PLEKHM2: variants seen among roughly 807,000 people sequenced by gnomAD.
PLEKHM2 encodes pleckstrin homology domain-containing family M member 2.
In PLEKHM2, 77 loss-of-function variants were observed where a neutral mutation model predicts 116.3. The observed-to-expected ratio is 0.66, with a 90% CI of 0.55 to 0.80. The LOEUF (loss-of-function observed/expected upper bound fraction) is 0.80. Ranked by LOEUF, PLEKHM2 falls within the 30% of genes least tolerant of loss-of-function variation. The pLI is 0.00. For synonymous variants in PLEKHM2, 562 were observed against 571.0 expected (o/e 0.98, Z 0.22); for missense variants, 1,183 against 1,354.9 (o/e 0.87, Z 1.99).
chr1:15,717,055 C>T (rs534771884), intron 3 of PLEKHM2, among the ~76,000 whole-genome samples: 1 of 152,314 alleles, frequency 6.6e-6, no homozygotes, highest in East Asian at 1.9e-4. Context: ...GAGTTTAGAC[C>T]AGCCTGGGCA....
rs184978563 is a variant in PLEKHM2 at position 15,699,257 on chromosome 1, T to A, written c.60+14639T>A. ...TACATAGGTGTGCAGGTTTGTTACA[T>A]AGGTGTACATGTGCCATGTTGGTTT... On this transcript the variant is annotated intron_variant, in intron 1 of 19. Transcript: ENST00000375799. Among the ~76,000 whole-genome samples, 10 of 152,248 alleles carry A rather than the reference T, an allele frequency of 6.6e-5. No individual in the cohort carries two copies. In the East Asian group the frequency reaches 1.2e-3, roughly 18 times the overall value.
chr1:15,682,445 C>A (rs189475086), upstream of PLEKHM2, among the ~76,000 whole-genome samples: 1 of 135,092 alleles, frequency 7.4e-6, no homozygotes, highest in South Asian at 2.4e-4. Flanking sequence ...AGCGAGACTC[C>A]GCCTCAAAAA....
In PLEKHM2 at chr1:15,721,261, C is replaced by T. The variant is rs1357859067; in HGVS notation, c.653-68C>T. 4 of 823,874 alleles carry T rather than the reference C, an allele frequency of 4.9e-6. No homozygotes were observed. The highest frequency in any genetic ancestry group is 3.4e-5 in the African/African-American group (2 of 58,402). 51.0% of individuals were successfully genotyped at this position (823,874 alleles called of 1,614,324 possible). ...CCATGTCTCCCACCCCATTTCCCCT[C>T]CCCTCCCTCCAGTCATCCTTCCACT... On this transcript the variant is annotated intron_variant, in intron 6 of 19. Coordinates refer to ENST00000375799, the MANE Select transcript of PLEKHM2 (RefSeq NM_015164.4). The surrounding 1 kb of genome is among the most constrained non-coding windows in gnomAD (Gnocchi z 5.1).
At position 15,725,637 on chromosome 1, in the gene PLEKHM2, C is replaced by T. The variant is rs970776032; in HGVS notation, c.941+92C>T. 7 of 933,642 alleles carry T rather than the reference C, an allele frequency of 7.5e-6. No homozygotes were observed. In the African/African-American group the frequency reaches 8.2e-5, roughly 11 times the overall value. 57.8% of individuals were successfully genotyped at this position (933,642 alleles called of 1,614,324 possible). A position where few individuals can be genotyped will look rare whatever the true frequency, so the allele number is the denominator to read the frequency against. ...GCTGTTCATCCAGGGCAGACCGGGA[C>T]ACCCCCTGAGGGCAGTTGCATGCCT... On this transcript the variant is annotated intron_variant, in intron 8 of 19. Transcript: ENST00000375799.
chr1:15,719,490 G>A lies in PLEKHM2; in HGVS notation c.466-244G>A, dbSNP rs952938276. 1.4e-4 allele frequency among the ~76,000 whole-genome samples: 22 copies of A among 151,982 alleles called. No homozygotes were observed. Among genetic ancestry groups the A allele is most frequent in the African/African-American group, 4.3e-4 (18 of 41,386 alleles). On this transcript the variant is annotated intron_variant, in intron 5 of 19. Transcript: ENST00000375799. This position sits in a 1 kb window ranked among gnomAD's most constrained non-coding sequence, Gnocchi z 4.1. ...ATAAATAGAGAGAGAGAGAGATAGCGGGGGCATCAAAGGGTGTAGCTGAGT... is the reference window on the plus strand; with the variant it reads ...ATAAATAGAGAGAGAGAGAGATAGCAGGGGCATCAAAGGGTGTAGCTGAGT...
Position 15,718,755 on chromosome 1 carries a change from A to G in PLEKHM2, c.465+130A>G, listed in dbSNP as rs10927840. 168,381 of 630,306 alleles carry G rather than the reference A, an allele frequency of 0.27. 28,686 individuals carry two copies. The highest frequency in any genetic ancestry group is 0.64 in the African/African-American group (34,566 of 53,822). The allele number at this position is 630,306 out of a possible 1,614,324, so 39.0% of individuals were successfully genotyped here. A position where few individuals can be genotyped will look rare whatever the true frequency, so the allele number is the denominator to read the frequency against. ...TTGAGTATGACTGGGCTTGAGCAAAACTTGTTTTTTTGGGCGAGGGAAAGG... is the reference window on the plus strand; with the variant it reads ...TTGAGTATGACTGGGCTTGAGCAAAGCTTGTTTTTTTGGGCGAGGGAAAGG... On this transcript the variant is annotated intron_variant, in intron 5 of 19. Transcript: ENST00000375799.
In PLEKHM2 at chr1:15,732,596, G is replaced by A. The variant is rs1401764036; in HGVS notation, c.2806-16G>A. On this transcript the variant is annotated splice_polypyrimidine_tract_variant and intron_variant, in intron 18 of 19. Coordinates refer to ENST00000375799, the MANE Select transcript of PLEKHM2 (RefSeq NM_015164.4). ...GAAAGCTCTGGCTGCTCACCCGGGG[G>A]CCTGGCTCTCCCTAGGAGTTCTCCC... 3.1e-6 allele frequency: 5 copies of A among 1,597,390 alleles called. No individual in the cohort carries two copies. The highest frequency in any genetic ancestry group is 2.7e-5 in the African/African-American group (2 of 74,598).
chr1:15,683,537 C>A (rs918234830), upstream of PLEKHM2, among the ~76,000 whole-genome samples: 3 of 135,100 alleles, frequency 2.2e-5, no homozygotes, highest in Non-Finnish European at 4.7e-5. Flanking sequence ...CCTGTGGGGT[C>A]GGAGTCTCCA....
At chr1:15,690,372 T>C (rs894867590) in intron 1 of PLEKHM2, among the ~76,000 whole-genome samples, 7 of 152,218 alleles carry the variant, frequency 4.6e-5, no homozygotes, top group African/African-American at 1.7e-4. Flanking sequence ...GAGAGTCTTA[T>C]ACTACACTGC....
chr1:15,690,571 G>A (rs1640869686), intron 1 of PLEKHM2, among the ~76,000 whole-genome samples: 1 of 152,178 alleles, frequency 6.6e-6, no homozygotes, highest in African/African-American at 2.4e-5. Context: ...GCAGTAGTTC[G>A]CATACGACGC....
Position 15,728,292 on chromosome 1 carries a change from T to C in PLEKHM2, c.1856T>C (p.Met619Thr), listed in dbSNP as rs2148374023. ...ATGATCCGGATGAGCACCGGGCACA[T>C]GGAGGGCAACCTGCAGCTGCTGTAC... ...FKMIRMSTGH[M>T]EGNLQLLYVL... is the part of the protein sequence containing the mutation. Residue 619 changes from methionine (M) to threonine (T), a missense_variant, in exon 11 of 20, where the codon ATG (methionine) becomes ACG (threonine). Transcript: ENST00000375799. The surrounding 1 kb of genome is among the most constrained non-coding windows in gnomAD (Gnocchi z 5.9). The C allele has an allele frequency of 6.2e-7, 1 of 1,613,352 alleles. No homozygotes were observed. The highest frequency in any genetic ancestry group is 8.5e-7 in the Non-Finnish European group (1 of 1,179,864).
intron 7 of PLEKHM2, among the ~76,000 whole-genome samples, chr1:15,724,056 TCC>T (rs1435792766): frequency 6.6e-6 from 1 of 152,088 alleles, no homozygotes; most frequent in African/African-American, 2.4e-5. Context: ...CTGCCCGTGC[TCC>T]CTCTCCTGCC....
At chr1:15,713,605 A>C (rs572992713) in intron 1 of PLEKHM2, among the ~76,000 whole-genome samples, 1 of 152,098 alleles carries the variant, frequency 6.6e-6, no homozygotes, top group East Asian at 1.9e-4. Context: ...AAGAGAATGA[A>C]TAATATTCTG....
chr1:15,726,554 G>A (rs1239855604), intron 8 of PLEKHM2, among the ~76,000 whole-genome samples: 2 of 152,196 alleles, frequency 1.3e-5, no homozygotes, highest in Non-Finnish European at 2.9e-5. Flanking sequence ...GGGACCCGGA[G>A]CGTGAGCCCA....
At position 15,729,427 on chromosome 1, in the gene PLEKHM2, A is replaced by G. The variant is rs1284635804; in HGVS notation, c.2075+237A>G. ...CCTGGCGACTCTTGGGGGTGCTAGC[A>G]TGAGTTGTTGGACAGGAAGGCAGGC... On this transcript the variant is annotated intron_variant, in intron 13 of 19. Transcript: ENST00000375799. This position sits in a 1 kb window ranked among gnomAD's most constrained non-coding sequence, Gnocchi z 4.7. 6.6e-6 allele frequency among the ~76,000 whole-genome samples: 1 copy of G among 152,136 alleles called. No homozygotes were observed. Among genetic ancestry groups the G allele is most frequent in the Non-Finnish European group, 1.5e-5 (1 of 68,018 alleles).
intron 1 of PLEKHM2, 78 bp downstream of exon 1, chr1:15,684,696 C>CA: frequency 4.2e-6 from 2 of 474,038 alleles, no homozygotes; most frequent in African/African-American, 1.1e-4. Context: ...TCTCCCGGGC[C>CA]GGGGCCCCCC....
At position 15,725,463 on chromosome 1, in the gene PLEKHM2, C is replaced by G. The variant is rs1222247088; in HGVS notation, c.859C>G (p.Pro287Ala). Residue 287 changes from proline to alanine, a missense_variant, in exon 8 of 20, where the codon CCC (proline) becomes GCC (alanine). Transcript: ENST00000375799. Reference sequence around the variant, plus strand: ...GACTGTGTCCTCCTCTGACACCACCCCCGTGCACACCACCTCTCAGGAGAA... The same window carrying G: ...GACTGTGTCCTCCTCTGACACCACCGCCGTGCACACCACCTCTCAGGAGAA... Reference protein sequence around the residue: ...AETVSSSDTTPVHTTSQEKEE... With the variant: ...AETVSSSDTTAVHTTSQEKEE... 1.9e-6 allele frequency: 3 copies of G among 1,577,070 alleles called. No homozygotes were observed. The highest frequency in any genetic ancestry group is 1.7e-6 in the Non-Finnish European group (2 of 1,162,512).
chr1:15,689,245 C>CA (rs34554449), intron 1 of PLEKHM2, among the ~76,000 whole-genome samples: 27,455 of 95,316 alleles, frequency 0.29, 3,437 homozygotes, highest in African/African-American at 0.37. Context: ...AACTCCGTCT[C>CA]AAAAAAAAAA....
chr1:15,687,916 T>G, intron 1 of PLEKHM2, among the ~76,000 whole-genome samples: 1 of 152,240 alleles, frequency 6.6e-6, no homozygotes, highest in East Asian at 1.9e-4. Context: ...GAAAATGAGA[T>G]GCATATTTCT....
Sources: gnomAD v4.1 joint callset for allele counts (sites outside exome capture counted in the v4.1 genomes callset) on GRCh38, gnomAD v4.1.1 for gene constraint, Gnocchi (gnomAD v3.1) non-coding constraint, MANE v1.5 for transcripts, NCBI Gene and HGNC (gene_info 2026-07-23, HGNC 2026-07-21) for gene names.